Variants in CHMP2B observed in about 807,000 individuals in gnomAD.
The protein encoded by CHMP2B is VPS2 homolog B.
In CHMP2B, 22 loss-of-function variants were observed where a neutral mutation model predicts 29.8. The observed-to-expected ratio is 0.74, with a 90% confidence interval of 0.53 to 1.05. CHMP2B has a LOEUF of 1.05. Among genes scored for constraint, CHMP2B ranks in the 50% least tolerant of loss-of-function variants. The pLI is 0.00. For missense variants in CHMP2B, 261 were observed against 252.2 expected (o/e 1.03, Z -0.24); for synonymous variants, 78 against 75.8 (o/e 1.03, Z -0.15).
At chr3:87,230,105 C>A (rs1705879576) in intron 1 of CHMP2B, among the ~76,000 whole-genome samples, 1 of 152,070 alleles carries the variant, frequency 6.6e-6, no homozygotes, top group South Asian at 2.1e-4. Flanking sequence ...GTTTATTTTC[C>A]CCCTTTGTAG....
chr3:87,230,173 A>G lies in CHMP2B; in HGVS notation c.34+2617A>G, dbSNP rs1308198587. ...TGAACCTGTAAATCAGGATCCCACTAGGACTTGTCACAAATGCACAACTAA... is the reference window on the plus strand; with the variant it reads ...TGAACCTGTAAATCAGGATCCCACTGGGACTTGTCACAAATGCACAACTAA... On this transcript the variant is annotated intron_variant, in intron 1 of 5. Coordinates refer to ENST00000263780, the MANE Select transcript of CHMP2B (RefSeq NM_014043.4). 2.0e-5 allele frequency among the ~76,000 whole-genome samples: 3 copies of G among 152,186 alleles called. No individual in the cohort carries two copies. In the East Asian group the frequency reaches 5.8e-4, roughly 29 times the overall value.
intron 2 of CHMP2B, among the ~76,000 whole-genome samples, chr3:87,245,478 A>C (rs887872548): frequency 5.6e-5 from 8 of 142,872 alleles, no homozygotes; most frequent in Non-Finnish European, 4.6e-5. Context: ...ACTGTTTTGT[A>C]GACTTGCTTT....
chr3:87,241,145 A>C (rs1706111388), intron 2 of CHMP2B, among the ~76,000 whole-genome samples: 1 of 152,192 alleles, frequency 6.6e-6, no homozygotes, highest in Non-Finnish European at 1.5e-5. Flanking sequence ...AAATTACATT[A>C]ACTCATAGGA....
At chr3:87,245,952 C>A in intron 3 of CHMP2B, 44 bp downstream of exon 3, 3 of 1,476,690 alleles carry the variant, frequency 2.0e-6, no homozygotes, top group Non-Finnish European at 2.8e-6. Context: ...ATTTTATCAA[C>A]GATATTTAAA....
chr3:87,243,905 C>G (rs562396487), intron 2 of CHMP2B, among the ~76,000 whole-genome samples: 13 of 151,360 alleles, frequency 8.6e-5, no homozygotes, highest in Non-Finnish European at 2.9e-5. Context: ...CATCATCAGC[C>G]TGGCTAGTGG....
chr3:87,240,204 T>C (rs115953159), intron 1 of CHMP2B: 1,675 of 154,348 alleles, frequency 0.011, 13 homozygotes, highest in Non-Finnish European at 0.015. Context: ...CAATTCTTTA[T>C]ATTTTATTAA....
chr3:87,251,933 G>A (rs1706320025), intron 4 of CHMP2B, among the ~76,000 whole-genome samples: 1 of 150,938 alleles, frequency 6.6e-6, no homozygotes, highest in African/African-American at 2.4e-5. Context: ...ACTTTGCTAA[G>A]TTACATCTGA....
intron 1 of CHMP2B, among the ~76,000 whole-genome samples, chr3:87,231,239 C>A (rs1200031452): frequency 2.6e-5 from 4 of 152,138 alleles, no homozygotes; most frequent in Admixed American, 6.5e-5. Context: ...GTACCTCAAA[C>A]TCAAGACCCC....
At position 87,238,048 on chromosome 3, in the gene CHMP2B, G is replaced by A. The variant is rs566511344; in HGVS notation, c.35-2651G>A. ...AGGAGATACGATAGATGTCTTGTAGGTAGGATATAGGAGCTTTGACATCTT... is the reference window on the plus strand; with the variant it reads ...AGGAGATACGATAGATGTCTTGTAGATAGGATATAGGAGCTTTGACATCTT... On this transcript the variant is annotated intron_variant, in intron 1 of 5. Transcript: ENST00000263780. Among the ~76,000 whole-genome samples, 7 of 152,262 alleles carry A rather than the reference G, an allele frequency of 4.6e-5. No homozygotes were observed. In the East Asian group the frequency reaches 1.2e-3, roughly 25 times the overall value.
At chr3:87,244,218 T>G (rs1463636312) in intron 2 of CHMP2B, among the ~76,000 whole-genome samples, 10 of 151,846 alleles carry the variant, frequency 6.6e-5, no homozygotes, top group Non-Finnish European at 1.3e-4. Flanking sequence ...AGCTAATTTT[T>G]GTATTTTTAG....
intron 1 of CHMP2B, among the ~76,000 whole-genome samples, chr3:87,237,423 A>G (rs1243509024): frequency 6.6e-6 from 1 of 152,222 alleles, no homozygotes; most frequent in Non-Finnish European, 1.5e-5. Context: ...TCTGCAAGCC[A>G]AGGAGAGAGG....
At chr3:87,235,644 T>C (rs140862914) in intron 1 of CHMP2B, among the ~76,000 whole-genome samples, 13 of 152,356 alleles carry the variant, frequency 8.5e-5, no homozygotes, top group Middle Eastern at 3.4e-3. Context: ...ATTACATGTT[T>C]TGTTGAATTC....
chr3:87,227,672 C>A (rs1705838084), intron 1 of CHMP2B, 116 bp downstream of exon 1: 1 of 1,310,450 alleles, frequency 7.6e-7, no homozygotes, highest in African/African-American at 1.5e-5. Flanking sequence ...TCAAGTGGTC[C>A]CACAGGTGAC....
At chr3:87,229,852 T>G (rs1485865838) in intron 1 of CHMP2B, among the ~76,000 whole-genome samples, 3 of 152,138 alleles carry the variant, frequency 2.0e-5, no homozygotes, top group Admixed American at 2.0e-4. Flanking sequence ...ACTGCACATG[T>G]AAATTTAAAA....
At chr3:87,238,433 A>G (rs1706054250) in intron 1 of CHMP2B, among the ~76,000 whole-genome samples, 1 of 152,124 alleles carries the variant, frequency 6.6e-6, no homozygotes, top group Admixed American at 6.5e-5. Context: ...CTTAGAATAA[A>G]ATCCTGTAAC....
At chr3:87,241,220 GT>G (rs1706113460) in intron 2 of CHMP2B, among the ~76,000 whole-genome samples, 1 of 152,070 alleles carries the variant, frequency 6.6e-6, no homozygotes, top group Non-Finnish European at 1.5e-5. Flanking sequence ...TAATAGACTG[GT>G]CTGGTTCATT....
Position 87,227,422 on chromosome 3 carries a change from G to T in CHMP2B, c.-101G>T. On this transcript the variant is annotated 5_prime_UTR_variant, in exon 1 of 6. Transcript: ENST00000263780. The stretch of plus-strand genomic sequence containing the variant: ...CCTCCTCCTGCTGTCTCTCCGCTCC[G>T]CCACCCCGAACCCGCCAAGGTCCTG... The T allele has an allele frequency of 2.1e-6, 3 of 1,419,604 alleles. No individual in the cohort carries two copies. In the Middle Eastern group the frequency reaches 5.3e-4, roughly 249 times the overall value. 87.9% of individuals were successfully genotyped at this position (1,419,604 alleles called of 1,614,324 possible).
At chr3:87,233,660 T>C (rs1705945723) in intron 1 of CHMP2B, among the ~76,000 whole-genome samples, 1 of 152,166 alleles carries the variant, frequency 6.6e-6, no homozygotes, top group South Asian at 2.1e-4. Context: ...CACTAGCTGT[T>C]ACAGAGCTTG....
intron 2 of CHMP2B, among the ~76,000 whole-genome samples, chr3:87,241,735 G>T (rs1442883722): frequency 6.6e-6 from 1 of 152,032 alleles, no homozygotes; most frequent in Non-Finnish European, 1.5e-5. Flanking sequence ...TTGTTTCCAG[G>T]TATTGGTTAT....
Sources: gnomAD v4.1 joint callset for allele counts (sites outside exome capture counted in the v4.1 genomes callset) on GRCh38, gnomAD v4.1.1 for gene constraint, MANE v1.5 for transcripts, NCBI Gene and HGNC (gene_info 2026-07-23, HGNC 2026-07-21) for gene names.